Variants in PCK2 observed in about 807,000 individuals in gnomAD.
PCK2 encodes phosphoenolpyruvate carboxykinase [GTP], mitochondrial.
PCK2 carries 56 observed loss-of-function variants against 65.9 expected under a neutral mutation model. The observed-to-expected ratio is 0.85, with a 90% confidence interval of 0.69 to 1.06. The LOEUF (loss-of-function observed/expected upper bound fraction) is 1.06, where lower values mean the gene tolerates loss of function less well. Ranked by LOEUF, PCK2 falls within the 50% of genes least tolerant of loss-of-function variation. The pLI is 0.00. For synonymous variants in PCK2, 305 were observed against 319.6 expected (o/e 0.95, Z 0.49); for missense variants, 843 against 863.1 (o/e 0.98, Z 0.29).
At chr14:24,094,235 G>C, upstream of PCK2, 1 of 625,670 alleles carries the variant, frequency 1.6e-6, no homozygotes, top group Non-Finnish European at 2.7e-6. This position sits in a 1 kb window ranked among gnomAD's most constrained non-coding sequence, Gnocchi z 4.1. Context: ...GCGGAGGAAA[G>C]CTAGTGCCAG....
Position 24,099,596 on chromosome 14 carries a change from T to A in PCK2, c.891T>A (p.Tyr297Ter). 1 of 1,611,202 alleles carries A rather than the reference T, an allele frequency of 6.2e-7. No homozygotes were observed. The highest frequency in any genetic ancestry group is 8.5e-7 in the Non-Finnish European group (1 of 1,178,322). Reference sequence around the variant, plus strand: ...CCAGCCCTGCAGGGAAGAAGCGCTATGTGGCAGCCGCCTTCCCTAGTGCCT... The same window carrying A: ...CCAGCCCTGCAGGGAAGAAGCGCTAAGTGGCAGCCGCCTTCCCTAGTGCCT... ...GITSPAGKKR[Y>*]VAAAFPSACG... The change falls in exon 6 of 10, where the codon TAT (tyrosine) becomes TAA (stop). Residue 297 changes from tyrosine to a stop codon, truncating the protein, a stop_gained. Transcript: ENST00000216780. LOFTEE classifies it high-confidence loss of function.
rs918172434 is a variant in PCK2 at position 24,098,748 on chromosome 14, C to T, written c.664+70C>T. On this transcript the variant is annotated intron_variant, in intron 4 of 9. Transcript: ENST00000216780. ...TACTCAGAGGAAATCCCAAATCCTA[C>T]CTCTCCACAGACCCTAAGAACCTGT... The T allele has an allele frequency of 8.8e-5, 116 of 1,324,238 alleles. 1 individual carries two copies. Among genetic ancestry groups the T allele is most frequent in the Non-Finnish European group, 1.2e-4 (112 of 936,116 alleles). 82.0% of individuals were successfully genotyped at this position (1,324,238 alleles called of 1,614,324 possible).
At chr14:24,100,450 T>C (rs2037116758) in intron 7 of PCK2, 1 of 947,368 alleles carries the variant, frequency 1.1e-6, no homozygotes, top group Non-Finnish European at 1.5e-6. Context: ...TCCACATCAG[T>C]TGAATGAGGG....
rs1287019850 is a variant in PCK2, at chr14:24,099,663, G to C, written c.958G>C (p.Gly320Arg). Residue 320 changes from glycine (G) to arginine (R), a missense_variant, in exon 6 of 10, where the codon GGC becomes CGC. Transcript: ENST00000216780. Reference protein sequence around the residue: ...NLAMMRPALPGWKVECVGDDI... With the variant: ...NLAMMRPALPRWKVECVGDDI... ...GGCTATGATGCGGCCTGCACTGCCAGGCTGGAAAGTGGAGTGTGTGGGGGA... is the reference window on the plus strand; with the variant it reads ...GGCTATGATGCGGCCTGCACTGCCACGCTGGAAAGTGGAGTGTGTGGGGGA... 6.2e-7 allele frequency: 1 copy of C among 1,614,212 alleles called. No homozygotes were observed.
chr14:24,103,497 G>T lies in PCK2; in HGVS notation c.1469-13G>T, dbSNP rs2037249838. ...AGAAGGAAGATTCCTTACCCATCTTGCTTCCCCCCCAGGGAAGATCATCAT... is the reference window on the plus strand; with the variant it reads ...AGAAGGAAGATTCCTTACCCATCTTTCTTCCCCCCCAGGGAAGATCATCAT... On this transcript the variant is annotated splice_polypyrimidine_tract_variant and intron_variant, in intron 9 of 9. Transcript: ENST00000216780. 1.3e-6 allele frequency: 2 copies of T among 1,532,776 alleles called. No individual in the cohort carries two copies. Among genetic ancestry groups the T allele is most frequent in the African/African-American group, 2.8e-5 (2 of 72,286 alleles). The allele number at this position is 1,532,776 out of a possible 1,614,324, so 94.9% of individuals were successfully genotyped here. A position where few individuals can be genotyped will look rare whatever the true frequency, so the allele number is the denominator to read the frequency against.
intron 1 of PCK2, chr14:24,095,520 A>C (rs1594283764): frequency 7.2e-6 from 2 of 279,354 alleles, no homozygotes; most frequent in South Asian, 3.3e-5. Flanking sequence ...CCAGGCTAAC[A>C]CCCTCTGAGT....
Position 24,100,137 on chromosome 14 carries a change from G to C in PCK2, c.1158G>C (p.Val386=), listed in dbSNP as rs1402618376. The C allele has an allele frequency of 6.2e-7, 1 of 1,613,708 alleles. No homozygotes were observed. The highest frequency in any genetic ancestry group is 2.2e-5 in the East Asian group (1 of 44,900). ...TNVAETSDGG[V]YWEGIDQPLP... ...TGGCTGAGACCAGTGATGGTGGCGT[G>C]TACTGGGAGGGCATTGACCAGCCTC... The change falls in exon 7 of 10, where the codon GTG becomes GTC. Residue 386 remains valine (V), a synonymous_variant. Transcript: ENST00000216780.
intron 7 of PCK2, among the ~76,000 whole-genome samples, chr14:24,100,758 G>C (rs2037131207): frequency 6.6e-6 from 1 of 152,158 alleles, no homozygotes; most frequent in Non-Finnish European, 1.5e-5. Flanking sequence ...CTAAAGGTCA[G>C]TATTGTTACC....
intron 7 of PCK2, 172 bp from the exon 8 acceptor site, chr14:24,102,581 A>G (rs1010969512): frequency 1.6e-6 from 1 of 616,666 alleles, no homozygotes; most frequent in Non-Finnish European, 2.9e-6. Flanking sequence ...AAACAACCTG[A>G]GCTCTTGGAG....
rs145739132 is a variant in PCK2, at chr14:24,103,948, G to T, written c.1907G>T (p.Arg636Leu). ...VLAELEALER[R>L]VHKM is the part of the protein sequence containing the mutation. ...GCTGAGCTTGAGGCCCTGGAGAGAC[G>T]TGTGCACAAAATGTGACCTGAGGCC... The change falls in exon 10 of 10, where the codon CGT (arginine) becomes CTT (leucine). Residue 636 changes from arginine to leucine, a missense_variant. Coordinates refer to ENST00000216780, the MANE Select transcript of PCK2 (RefSeq NM_004563.4). 1 of 1,613,534 alleles carries T rather than the reference G, an allele frequency of 6.2e-7. No homozygotes were observed. The highest frequency in any genetic ancestry group is 1.3e-5 in the African/African-American group (1 of 74,914).
In PCK2 at chr14:24,094,496, G is replaced by A. The variant is rs982732518; in HGVS notation, c.29+62G>A. On this transcript the variant is annotated intron_variant, in intron 1 of 9. Transcript: ENST00000216780. The surrounding 1 kb of genome is among the most constrained non-coding windows in gnomAD (Gnocchi z 4.1). ...CCGCTGCGCTCGCCCCCTCGGGGCTGCCAGTGGCGCTCTCCTGCTCTCAGC... is the reference window on the plus strand; with the variant it reads ...CCGCTGCGCTCGCCCCCTCGGGGCTACCAGTGGCGCTCTCCTGCTCTCAGC... 1 of 1,474,384 alleles carries A rather than the reference G, an allele frequency of 6.8e-7. No homozygotes were observed. Among genetic ancestry groups the A allele is most frequent in the Admixed American group, 2.6e-5 (1 of 37,882 alleles). 91.3% of individuals were successfully genotyped at this position (1,474,384 alleles called of 1,614,324 possible).
intron 2 of PCK2, 35 bp downstream of exon 2, chr14:24,097,172 G>A: frequency 1.9e-6 from 3 of 1,602,776 alleles, no homozygotes; most frequent in Non-Finnish European, 2.6e-6. Context: ...CAGGATAGGT[G>A]CACTGAGGCC....
At chr14:24,095,986 T>A (rs1344063880) in intron 1 of PCK2, among the ~76,000 whole-genome samples, 1 of 152,174 alleles carries the variant, frequency 6.6e-6, no homozygotes, top group Non-Finnish European at 1.5e-5. Flanking sequence ...CTATTCTCTG[T>A]GCAAGAGCCC....
rs1337095588 is a variant in PCK2 at position 24,098,320 on chromosome 14, G to C, written c.393G>C (p.Leu131=). 6.2e-7 allele frequency: 1 copy of C among 1,614,090 alleles called. No homozygotes were observed. Residue 131 remains leucine (L), a synonymous_variant, in exon 3 of 10, where the codon CTG becomes CTC. Coordinates refer to ENST00000216780, the MANE Select transcript of PCK2 (RefSeq NM_004563.4). The part of the protein sequence containing the change: ...PLPPGGARGQ[L]GNWMSPADFQ... ...CGCCTGGTGGGGCCCGTGGGCAGCT[G>C]GGCAACTGGATGTCCCCAGCTGATT...
rs774252034 is a variant in PCK2 at position 24,103,912 on chromosome 14, A to G, written c.1871A>G (p.Lys624Arg). Reference sequence around the variant, plus strand: ...GAGCAGGTCAACCAGGATCTGCCCAAAGAGGTGTTGGCTGAGCTTGAGGCC... The same window carrying G: ...GAGCAGGTCAACCAGGATCTGCCCAGAGAGGTGTTGGCTGAGCTTGAGGCC... ...LTEQVNQDLP[K>R]EVLAELEALE... is the part of the protein sequence containing the mutation. The change falls in exon 10 of 10, where the codon AAA (lysine) becomes AGA (arginine). Residue 624 changes from lysine to arginine, a missense_variant. By Grantham distance (26) the Lys-to-Arg change is conservative. Transcript: ENST00000216780. The G allele has an allele frequency of 3.3e-5, 53 of 1,614,094 alleles. No individual in the cohort carries two copies. Among genetic ancestry groups the G allele is most frequent in the Non-Finnish European group, 4.4e-5 (52 of 1,180,014 alleles).
chr14:24,097,127 T>C lies in PCK2; in HGVS notation c.265T>C (p.Tyr89His). 1 of 1,613,774 alleles carries C rather than the reference T, an allele frequency of 6.2e-7. No homozygotes were observed. The highest frequency in any genetic ancestry group is 1.1e-5 in the South Asian group (1 of 91,000). The stretch of plus-strand genomic sequence containing the variant: ...GGGCCTCATCCGAAAGCTCCCCAAG[T>C]ACAATAACTGGTAAGCCTTGGGCTC... Reference protein sequence around the residue: ...QQGLIRKLPKYNNCWLARTDP... With the variant: ...QQGLIRKLPKHNNCWLARTDP... Residue 89 changes from tyrosine to histidine, a missense_variant, in exon 2 of 10, where the codon TAC (tyrosine) becomes CAC (histidine). Transcript: ENST00000216780.
chr14:24,101,244 C>G (rs1272705465), intron 7 of PCK2, among the ~76,000 whole-genome samples: 1 of 152,238 alleles, frequency 6.6e-6, no homozygotes, highest in Non-Finnish European at 1.5e-5. Context: ...TTGTCCCCAG[C>G]TTCAATTCCC....
chr14:24,102,555 C>A, intron 7 of PCK2, 198 bp from the exon 8 acceptor site: 1 of 578,248 alleles, frequency 1.7e-6, no homozygotes, highest in South Asian at 2.4e-5. Flanking sequence ...GCTCAGCTGG[C>A]CGCACCTTCA....
chr14:24,098,105 A>C, intron 2 of PCK2, 98 bp from the exon 3 acceptor site: 2 of 983,436 alleles, frequency 2.0e-6, no homozygotes, highest in Non-Finnish European at 3.0e-6. Flanking sequence ...CATAAGGCCA[A>C]CAGAAGACCT....
Sources: gnomAD v4.1 joint callset for allele counts (sites outside exome capture counted in the v4.1 genomes callset) on GRCh38, gnomAD v4.1.1 for gene constraint, Gnocchi (gnomAD v3.1) non-coding constraint, MANE v1.5 for transcripts, NCBI Gene and HGNC (gene_info 2026-07-23, HGNC 2026-07-21) for gene names.